Variants in PRKCA observed in about 807,000 individuals in gnomAD.
PRKCA encodes protein kinase C alpha.
A neutral mutation model predicts 87.0 loss-of-function variants in PRKCA; 27 were observed. The ratio of observed to expected loss-of-function variants is 0.31; its 90% CI spans 0.23 to 0.43. The LOEUF (loss-of-function observed/expected upper bound fraction) is 0.43. Among genes scored for constraint, PRKCA ranks in the 20% least tolerant of loss-of-function variants. PRKCA has a pLI of 1.00. For missense variants in PRKCA, 518 were observed against 852.3 expected (o/e 0.61, Z 4.88); for synonymous variants, 329 against 311.1 (o/e 1.06, Z -0.61).
intron 8 of PRKCA, among the ~76,000 whole-genome samples, chr17:66,714,867 A>G (rs888843581): frequency 1.3e-5 from 2 of 152,198 alleles, no homozygotes; most frequent in Non-Finnish European, 2.9e-5. Flanking sequence ...AGCCCAGAAC[A>G]GTGCAGCTGC....
Position 66,494,172 on chromosome 17 carries a change from A to G in PRKCA, c.206-2029A>G, listed in dbSNP as rs191926870. The stretch of plus-strand genomic sequence containing the variant: ...TTTGGTCTTCTGTATCTACTGCCAT[A>G]TGTGCAGGGAACTGTATTATCATTG... On this transcript the variant is annotated intron_variant, in intron 2 of 16. Coordinates refer to ENST00000413366, the MANE Select transcript of PRKCA (RefSeq NM_002737.3). Among the ~76,000 whole-genome samples the G allele has an allele frequency of 1.3e-3, 198 of 152,234 alleles. 1 individual carries two copies. The Middle Eastern group carries it at 0.027, about 21-fold the overall frequency.
chr17:66,455,602 C>G (rs1914544674), intron 2 of PRKCA, among the ~76,000 whole-genome samples: 2 of 152,194 alleles, frequency 1.3e-5, no homozygotes, highest in East Asian at 1.9e-4. Flanking sequence ...GTCAAACTTA[C>G]TCATCCATCA....
chr17:66,314,953 G>GTA (rs1442400795), intron 2 of PRKCA, among the ~76,000 whole-genome samples: 1 of 150,864 alleles, frequency 6.6e-6, no homozygotes, highest in Non-Finnish European at 1.5e-5. Flanking sequence ...GTATGTGTAT[G>GTA]TATATATGTG....
intron 8 of PRKCA, among the ~76,000 whole-genome samples, chr17:66,718,230 C>T (rs1031736830): frequency 3.3e-5 from 5 of 152,188 alleles, no homozygotes; most frequent in Non-Finnish European, 7.3e-5. Flanking sequence ...GGTGAAGGCT[C>T]ACTTTCTGAT....
chr17:66,336,780 G>A (rs1906714784), intron 2 of PRKCA, among the ~76,000 whole-genome samples: 1 of 150,962 alleles, frequency 6.6e-6, no homozygotes, highest in South Asian at 2.1e-4. Context: ...GTGTGTGTGT[G>A]TGTGTGTGTG....
intron 2 of PRKCA, among the ~76,000 whole-genome samples, chr17:66,320,564 A>G (rs1188552372): frequency 6.6e-6 from 1 of 152,210 alleles, no homozygotes; most frequent in Non-Finnish European, 1.5e-5. Context: ...ACAGTCTAGT[A>G]ACAACATAAA....
intron 3 of PRKCA, among the ~76,000 whole-genome samples, chr17:66,609,422 G>A (rs369145522): frequency 1.3e-5 from 2 of 152,118 alleles, no homozygotes; most frequent in Non-Finnish European, 1.5e-5. Context: ...TGAGCAAACC[G>A]GAGAGACCAG....
At chr17:66,538,465 A>C (rs935081172) in intron 3 of PRKCA, among the ~76,000 whole-genome samples, 4 of 152,002 alleles carry the variant, frequency 2.6e-5, no homozygotes, top group African/African-American at 7.3e-5. Context: ...GTTTGTCACC[A>C]GGGAGGTGAT....
chr17:66,547,548 A>T (rs1428017386), intron 3 of PRKCA, among the ~76,000 whole-genome samples: 2 of 152,114 alleles, frequency 1.3e-5, no homozygotes, highest in East Asian at 3.9e-4. Context: ...CTGTTTACTG[A>T]GAGTTGTTTA....
intron 5 of PRKCA, among the ~76,000 whole-genome samples, chr17:66,663,916 G>A (rs1367475284): frequency 3.3e-5 from 5 of 151,304 alleles, no homozygotes; most frequent in African/African-American, 9.7e-5. Flanking sequence ...CACCCAGGCT[G>A]GAGTTCAGTG....
At chr17:66,692,774 T>A (rs148616253) in intron 8 of PRKCA, among the ~76,000 whole-genome samples, 9 of 152,304 alleles carry the variant, frequency 5.9e-5, no homozygotes, top group African/African-American at 2.2e-4. Flanking sequence ...CCCTACCCAC[T>A]CTTTCATAGA....
intron 15 of PRKCA, among the ~76,000 whole-genome samples, chr17:66,787,926 G>A (rs1456024911): frequency 5.3e-5 from 8 of 152,192 alleles, no homozygotes; most frequent in East Asian, 3.8e-4. Context: ...ACACACCATC[G>A]TTTCCTTATC....
intron 8 of PRKCA, among the ~76,000 whole-genome samples, chr17:66,690,816 A>C (rs1199417465): frequency 1.4e-5 from 2 of 143,440 alleles, no homozygotes; most frequent in African/African-American, 5.3e-5. Flanking sequence ...CAACAGAGCA[A>C]GACTCTGTCT....
At position 66,466,918 on chromosome 17, in the gene PRKCA, T is replaced by C. The variant is rs189492289; in HGVS notation, c.206-29283T>C. ...AATTACTCATGCCCTCAGTTTAAAT[T>C]TGTGACTGGCATTTGAAACTATGGA... On this transcript the variant is annotated intron_variant, in intron 2 of 16. Coordinates refer to ENST00000413366, the MANE Select transcript of PRKCA (RefSeq NM_002737.3). Among the ~76,000 whole-genome samples, 254 of 152,264 alleles carry C rather than the reference T, an allele frequency of 1.7e-3. 1 individual carries two copies. Among genetic ancestry groups the C allele is most frequent in the Non-Finnish European group, 1.8e-3 (124 of 68,018 alleles).
intron 3 of PRKCA, among the ~76,000 whole-genome samples, chr17:66,526,339 G>A (rs1399505652): frequency 6.6e-6 from 1 of 152,128 alleles, no homozygotes; most frequent in South Asian, 2.1e-4. Context: ...CAAGTTGGTG[G>A]CTTTACAACA....
chr17:66,544,412 C>A (rs755334981), intron 3 of PRKCA, among the ~76,000 whole-genome samples: 1 of 151,868 alleles, frequency 6.6e-6, no homozygotes, highest in African/African-American at 2.4e-5. Context: ...ACTTAAAGTG[C>A]GTTTTAGAAA....
chr17:66,327,853 C>T (rs757689727), intron 2 of PRKCA, among the ~76,000 whole-genome samples: 4 of 152,094 alleles, frequency 2.6e-5, no homozygotes, highest in Non-Finnish European at 5.9e-5. Flanking sequence ...CTGCCAGCCA[C>T]GGTGCCTGAT....
intron 14 of PRKCA, among the ~76,000 whole-genome samples, chr17:66,781,889 T>TATATATA (rs1568030784): frequency 2.8e-4 from 27 of 97,726 alleles, no homozygotes; most frequent in East Asian, 1.8e-3. Context: ...ATATATATAG[T>TATATATA]GTGTGTGTGT....
chr17:66,518,563 G>A (rs536513656), intron 3 of PRKCA, among the ~76,000 whole-genome samples: 11 of 152,144 alleles, frequency 7.2e-5, no homozygotes, highest in South Asian at 4.1e-4. Flanking sequence ...ATTTTTACGA[G>A]AATCTTCTTA....
Sources: gnomAD v4.1 joint callset for allele counts (sites outside exome capture counted in the v4.1 genomes callset) on GRCh38, gnomAD v4.1.1 for gene constraint, MANE v1.5 for transcripts, NCBI Gene and HGNC (gene_info 2026-07-23, HGNC 2026-07-21) for gene names.